The following PCDHA12 variants were observed in gnomAD, a reference collection of about 807,000 sequenced individuals.
The protein encoded by PCDHA12 is protocadherin alpha 12, also known as protocadherin alpha-12.
In PCDHA12, 44 loss-of-function variants were observed where a neutral mutation model predicts 60.0. That is an observed-to-expected ratio of 0.73 (90% CI 0.58 to 0.94). PCDHA12 has a LOEUF of 0.94. Among genes scored for constraint, PCDHA12 ranks in the 40% least tolerant of loss-of-function variants. The pLI is 0.00. For synonymous variants in PCDHA12, 569 were observed against 553.0 expected, an observed-to-expected ratio of 1.03 and a Z score of -0.40; for missense variants, 1,276 against 1,239.7, an observed-to-expected ratio of 1.03 and a Z score of -0.44.
At chr5:140,969,244 G>A (rs1345944804) in intron 1 of PCDHA12, 2 of 1,614,088 alleles carry the variant, frequency 1.2e-6, no homozygotes, top group Non-Finnish European at 1.7e-6. Flanking sequence ...AAGCAGCAGT[G>A]ACTGACAGCA....
chr5:140,965,283 A>G (rs1342044804), intron 1 of PCDHA12, among the ~76,000 whole-genome samples: 1 of 152,200 alleles, frequency 6.6e-6, no homozygotes, highest in Non-Finnish European at 1.5e-5. Context: ...CACAGCATGG[A>G]AAGATTTCCT....
intron 3 of PCDHA12, among the ~76,000 whole-genome samples, chr5:140,992,975 T>G (rs2097535680): frequency 6.6e-6 from 1 of 152,178 alleles, no homozygotes; most frequent in Admixed American, 6.6e-5. Context: ...TGACAATGAT[T>G]AGGCCATGGG....
chr5:140,910,200 A>C (rs1471024317), intron 1 of PCDHA12, among the ~76,000 whole-genome samples: 1 of 152,200 alleles, frequency 6.6e-6, no homozygotes, highest in East Asian at 1.9e-4. Flanking sequence ...TCTTTTGTCC[A>C]CTTGACCTGG....
chr5:140,917,331 G>T (rs1256665914), intron 1 of PCDHA12, among the ~76,000 whole-genome samples: 12 of 137,574 alleles, frequency 8.7e-5, no homozygotes, highest in African/African-American at 3.0e-4. Context: ...TGGCGGGGGA[G>T]GGGGGGGATG....
intron 3 of PCDHA12, among the ~76,000 whole-genome samples, chr5:141,000,713 C>G (rs570396356): frequency 6.6e-6 from 1 of 151,652 alleles, no homozygotes; most frequent in Non-Finnish European, 1.5e-5. Context: ...CAGGCATGAG[C>G]CACTGTGCCT....
Position 140,968,579 on chromosome 5 carries a change from A to G in PCDHA12, c.2368-10370A>G, listed in dbSNP as rs1554230883. On this transcript the variant is annotated intron_variant, in intron 1 of 3. Coordinates refer to ENST00000398631, the MANE Select transcript of PCDHA12 (RefSeq NM_018903.4). ...AACTGCCCCTGCTGGCTACCTGGTCACCAAAGTCATAGCTATGGACTCAGA... is the reference window on the plus strand; with the variant it reads ...AACTGCCCCTGCTGGCTACCTGGTCGCCAAAGTCATAGCTATGGACTCAGA... 6 of 1,614,182 alleles carry G rather than the reference A, an allele frequency of 3.7e-6. No homozygotes were observed. The highest frequency in any genetic ancestry group is 5.1e-6 in the Non-Finnish European group (6 of 1,180,042).
chr5:140,906,575 T>C (rs1443480852), intron 1 of PCDHA12, among the ~76,000 whole-genome samples: 1 of 152,242 alleles, frequency 6.6e-6, no homozygotes, highest in Non-Finnish European at 1.5e-5. Context: ...ATAGCTGGTA[T>C]TGATGACTAC....
intron 3 of PCDHA12, among the ~76,000 whole-genome samples, chr5:141,008,567 T>C (rs1171779674): frequency 1.3e-5 from 2 of 152,182 alleles, no homozygotes; most frequent in African/African-American, 4.8e-5. Flanking sequence ...TGCATAATCA[T>C]TTTCCCAAGA....
chr5:140,941,191 T>TTTCTTTCTTTCTTTCTTTC (rs1487503403), intron 1 of PCDHA12, among the ~76,000 whole-genome samples: 6 of 93,258 alleles, frequency 6.4e-5, no homozygotes, highest in Middle Eastern at 5.1e-3. Flanking sequence ...GCTTCTTTTT[T>TTTCTTTCTTTCTTTCTTTC]TTTCTTTCTT....
At chr5:140,977,107 T>C (rs1419522797) in intron 1 of PCDHA12, among the ~76,000 whole-genome samples, 2 of 152,166 alleles carry the variant, frequency 1.3e-5, no homozygotes, top group Non-Finnish European at 2.9e-5. Flanking sequence ...GGAAGTGAGA[T>C]TGTATAATGA....
chr5:140,996,372 G>A (rs898606404), intron 3 of PCDHA12, among the ~76,000 whole-genome samples: 1 of 152,180 alleles, frequency 6.6e-6, no homozygotes, highest in Non-Finnish European at 1.5e-5. Context: ...TTTTGTTGTC[G>A]GCTGAAATAA....
At chr5:140,951,047 A>T (rs2094543631) in intron 1 of PCDHA12, among the ~76,000 whole-genome samples, 1 of 151,878 alleles carries the variant, frequency 6.6e-6, no homozygotes, top group Non-Finnish European at 1.5e-5. Flanking sequence ...TTATATTTTT[A>T]TTGCTAAAAT....
chr5:140,969,040 A>G (rs1554231380), intron 1 of PCDHA12: 1 of 1,614,150 alleles, frequency 6.2e-7, no homozygotes. Context: ...AACTGTACAA[A>G]CAAGCCAACA....
chr5:140,965,401 A>G (rs546046699), intron 1 of PCDHA12, among the ~76,000 whole-genome samples: 2 of 152,284 alleles, frequency 1.3e-5, no homozygotes, highest in African/African-American at 4.8e-5. Flanking sequence ...AAGTCTAAGG[A>G]GTCTTATATT....
intron 1 of PCDHA12, among the ~76,000 whole-genome samples, chr5:140,932,112 T>C (rs1211067626): frequency 6.6e-6 from 1 of 151,944 alleles, no homozygotes; most frequent in African/African-American, 2.4e-5. Flanking sequence ...GTATTTCCAA[T>C]TGATAATATT....
chr5:140,954,532 GT>G (rs1274213608), intron 1 of PCDHA12, among the ~76,000 whole-genome samples: 7 of 152,088 alleles, frequency 4.6e-5, no homozygotes, highest in Non-Finnish European at 5.9e-5. Context: ...TGATGTTGAG[GT>G]TTTTTTCATA....
At chr5:140,880,694 A>T (rs1254061280) in intron 1 of PCDHA12, among the ~76,000 whole-genome samples, 1 of 152,346 alleles carries the variant, frequency 6.6e-6, no homozygotes, top group South Asian at 2.1e-4. Context: ...AGTCATGGTT[A>T]AGTGACAATG....
intron 1 of PCDHA12, 170 bp from the exon 2 acceptor site, chr5:140,978,779 C>T: frequency 2.1e-6 from 2 of 969,908 alleles, no homozygotes; most frequent in Non-Finnish European, 2.5e-6. Flanking sequence ...TAATTTTCTT[C>T]TAAAGTGCTA....
chr5:140,929,325 G>A (rs782073530), intron 1 of PCDHA12: 4 of 1,538,392 alleles, frequency 2.6e-6, no homozygotes, highest in Non-Finnish European at 3.5e-6. Flanking sequence ...TCAATGCCAT[G>A]GTAAGCAAAT....
Sources: gnomAD v4.1 joint callset for allele counts (sites outside exome capture counted in the v4.1 genomes callset) on GRCh38, gnomAD v4.1.1 for gene constraint, MANE v1.5 for transcripts, NCBI Gene and HGNC (gene_info 2026-07-23, HGNC 2026-07-21) for gene names.